The following NBPF15 variants were observed in gnomAD, a reference collection of about 807,000 sequenced individuals.
NBPF15 encodes the protein NBPF member 15, also known as NBPF family member NBPF15.
NBPF15 carries 74 observed loss-of-function variants against 62.2 expected under a neutral mutation model. The ratio of observed to expected loss-of-function variants is 1.19; its 90% CI spans 0.99 to 1.44. The LOEUF (loss-of-function observed/expected upper bound fraction) is 1.44. NBPF15 is among the 40% of genes most tolerant of loss of function. The probability of loss-of-function intolerance (pLI) is 0.00; values close to 1 mark genes in which losing one functional copy is unlikely to be tolerated. For synonymous variants in NBPF15, 244 were observed against 209.7 expected, an observed-to-expected ratio of 1.16 and a Z score of -1.41; for missense variants, 790 against 550.0, an observed-to-expected ratio of 1.44 and a Z score of -4.36.
At position 144,456,529 on chromosome 1, in the gene NBPF15, G is replaced by C. The variant is rs1167480644; in HGVS notation, c.-432+8C>G. The C allele has an allele frequency of 3.3e-5, 46 of 1,375,642 alleles. 1 individual carries two copies. In the South Asian group the frequency reaches 7.4e-4, roughly 22 times the overall value. 85.2% of individuals were successfully genotyped at this position (1,375,642 alleles called of 1,614,324 possible). A position where few individuals can be genotyped will look rare whatever the true frequency, so the allele number is the denominator to read the frequency against. On this transcript the variant is annotated splice_region_variant and intron_variant, in intron 4 of 21. Coordinates refer to ENST00000581897, the MANE Select transcript of NBPF15 (RefSeq NM_001385408.1). Reference sequence around the variant, plus strand: ...TCCATCGAGCTGGCAATGCCTCAGGGTTTTTACCTGTGGGATCTGGCAGCT... The same window carrying C: ...TCCATCGAGCTGGCAATGCCTCAGGCTTTTTACCTGTGGGATCTGGCAGCT...
chr1:144,443,683 A>G (rs2102388722), intron 6 of NBPF15, among the ~76,000 whole-genome samples: 1 of 151,722 alleles, frequency 6.6e-6, no homozygotes, highest in Non-Finnish European at 1.5e-5. Flanking sequence ...AATCTCTATT[A>G]TGTTTTATTG....
intron 13 of NBPF15, among the ~76,000 whole-genome samples, chr1:144,432,208 A>G (rs1373191948): frequency 6.6e-6 from 1 of 151,986 alleles, no homozygotes; most frequent in Non-Finnish European, 1.5e-5. Context: ...CCAGCCAAAC[A>G]AAGCTTCATA....
intron 9 of NBPF15, among the ~76,000 whole-genome samples, chr1:144,437,358 G>T: frequency 6.6e-6 from 1 of 151,004 alleles, no homozygotes; most frequent in Non-Finnish European, 1.5e-5. Context: ...GTAAACAAAA[G>T]TAGGTGTCTT....
chr1:144,455,124 G>A (rs1192281671), intron 4 of NBPF15, among the ~76,000 whole-genome samples: 5 of 146,578 alleles, frequency 3.4e-5, no homozygotes, highest in Non-Finnish European at 7.5e-5. Flanking sequence ...AGGGAGGGAG[G>A]AAGGGAGGGA....
rs587609814 is a variant in NBPF15, at chr1:144,435,115, A to T, written c.768T>A (p.Ile256=). 2 of 1,612,696 alleles carry T rather than the reference A, an allele frequency of 1.2e-6. No individual in the cohort carries two copies. Among genetic ancestry groups the T allele is most frequent in the East Asian group, 4.5e-5 (2 of 44,862 alleles). The change falls in exon 12 of 22, where the codon ATT becomes ATA. Residue 256 remains isoleucine (I), a synonymous_variant. Transcript: ENST00000581897. ...HVEWEDAVHI[I]PENESDDEEE... ...CACAAGGAAAACAGAGGCTACCTGGAATAATGTGTACAGCATCCTCCCATT... is the reference window on the plus strand; with the variant it reads ...CACAAGGAAAACAGAGGCTACCTGGTATAATGTGTACAGCATCCTCCCATT...
intron 8 of NBPF15, among the ~76,000 whole-genome samples, chr1:144,439,005 T>A (rs1163436583): frequency 6.6e-6 from 1 of 151,776 alleles, no homozygotes; most frequent in Non-Finnish European, 1.5e-5. Flanking sequence ...TATTTTTTTT[T>A]AACAGTCTTG....
At chr1:144,426,554 A>C (rs1203241788) in intron 17 of NBPF15, 104 bp from the exon 18 acceptor site, 4 of 735,160 alleles carry the variant, frequency 5.4e-6, no homozygotes, top group Non-Finnish European at 7.6e-6. Flanking sequence ...AAAAAGAAAA[A>C]GGACGGATCC....
At position 144,432,405 on chromosome 1, in the gene NBPF15, G is replaced by C. The variant is rs587680374; in HGVS notation, c.824+1368C>G. Among the ~76,000 whole-genome samples, 818 of 151,996 alleles carry C rather than the reference G, an allele frequency of 5.4e-3. 12 individuals are homozygous for C. The highest frequency in any genetic ancestry group is 6.0e-3 in the Non-Finnish European group (405 of 67,962). ...CTAGGAAGAAACTGCATCAACTAAC[G>C]GGCGAAATAACCAGCTAATATCATA... On this transcript the variant is annotated intron_variant, in intron 13 of 21. Coordinates refer to ENST00000581897, the MANE Select transcript of NBPF15 (RefSeq NM_001385408.1).
At position 144,455,599 on chromosome 1, in the gene NBPF15, T is replaced by C. The variant is rs1254277417; in HGVS notation, c.-432+938A>G. 7.5e-4 allele frequency among the ~76,000 whole-genome samples: 114 copies of C among 152,000 alleles called. 2 individuals are homozygous for C. The highest frequency in any genetic ancestry group is 1.1e-3 in the Non-Finnish European group (75 of 67,972). On this transcript the variant is annotated intron_variant, in intron 4 of 21. Transcript: ENST00000581897. ...CCGCAACCTTCCCTGCTGCTCCTTG[T>C]CCACTCCAGAAGCTTCCCAGCTGCA...
At position 144,442,147 on chromosome 1, in the gene NBPF15, A is replaced by AT. The variant is rs1553542823; in HGVS notation, c.-190-1853_-190-1852insA. Among the ~76,000 whole-genome samples the AT allele has an allele frequency of 3.3e-3, 25 of 7,540 alleles. No homozygotes were observed. In the East Asian group the frequency reaches 0.11, roughly 34 times the overall value. 4.9% of individuals were successfully genotyped at this position (7,540 alleles called of 152,430 possible). A position where few individuals can be genotyped will look rare whatever the true frequency, so the allele number is the denominator to read the frequency against. On this transcript the variant is annotated intron_variant, in intron 6 of 21. Transcript: ENST00000581897. The stretch of plus-strand genomic sequence containing the variant: ...TATACACGTGTATATATATATATAT[A>AT]ATATATATACACGTGTATATATATA...
rs1305917637 is a variant in NBPF15 at position 144,426,207 on chromosome 1, T to C, written c.1438+71A>G. On this transcript the variant is annotated intron_variant, in intron 18 of 21. Coordinates refer to ENST00000581897, the MANE Select transcript of NBPF15 (RefSeq NM_001385408.1). ...CATCTCTCGGGTCAGTAAGGGCCAC[T>C]TGGAACAGGAATATCACCCCTATCT... The C allele has an allele frequency of 5.1e-6, 3 of 590,546 alleles. 1 individual carries two copies. The highest frequency in any genetic ancestry group is 4.0e-5 in the South Asian group (2 of 49,786). 36.6% of individuals were successfully genotyped at this position (590,546 alleles called of 1,614,324 possible). A position where few individuals can be genotyped will look rare whatever the true frequency, so the allele number is the denominator to read the frequency against.
chr1:144,440,088 A>G, intron 7 of NBPF15, 50 bp from the exon 8 acceptor site: 1 of 1,577,246 alleles, frequency 6.3e-7, no homozygotes, highest in Non-Finnish European at 8.7e-7. Flanking sequence ...TGGTGAAATC[A>G]AATAGGTTTA....
chr1:144,434,754 C>T (rs1676959385), intron 12 of NBPF15, among the ~76,000 whole-genome samples: 1 of 151,878 alleles, frequency 6.6e-6, no homozygotes, highest in South Asian at 2.1e-4. Flanking sequence ...AGGCTGCCAG[C>T]TTCCTTAAAC....
chr1:144,435,109 A>G lies in NBPF15; in HGVS notation c.772+2T>C, dbSNP rs1258029085. The stretch of plus-strand genomic sequence containing the variant: ...ATGAGACACAAGGAAAACAGAGGCT[A>G]CCTGGAATAATGTGTACAGCATCCT... On this transcript the variant is annotated splice_donor_variant, in intron 12 of 21. Coordinates refer to ENST00000581897, the MANE Select transcript of NBPF15 (RefSeq NM_001385408.1). LOFTEE classifies it high-confidence loss of function. The G allele has an allele frequency of 7.4e-6, 12 of 1,612,732 alleles. No homozygotes were observed. In the Admixed American group the frequency reaches 1.5e-4, roughly 20 times the overall value.
Position 144,423,090 on chromosome 1 carries a change from C to T in NBPF15, c.1936G>A (p.Val646Met), listed in dbSNP as rs146229961. The change falls in exon 22 of 22, where the codon GTG becomes ATG. Residue 646 changes from valine to methionine, a missense_variant. Physicochemically the swap from Val to Met is conservative, Grantham distance 21. Transcript: ENST00000581897. ...EEEHISFALY[V>M]DNRFFTLTVT... Reference sequence around the variant, plus strand: ...GTCAAAGTAAAAAACCTATTGTCCACGTAAAGGGCGAAGCTGATATGCTCT... The same window carrying T: ...GTCAAAGTAAAAAACCTATTGTCCATGTAAAGGGCGAAGCTGATATGCTCT... 76 of 1,611,604 alleles carry T rather than the reference C, an allele frequency of 4.7e-5. No individual in the cohort carries two copies. The highest frequency in any genetic ancestry group is 2.0e-4 in the East Asian group (9 of 44,866).
In NBPF15 at chr1:144,440,242, G is replaced by A. The variant is rs1681769810; in HGVS notation, c.-137C>T. On this transcript the variant is annotated 5_prime_UTR_variant, in exon 7 of 22. Transcript: ENST00000581897. ...CTCAGAGCTGAAAGCACTGTCAGTA[G>A]CGCAGACTCTGATAAGAGTGAGGTA... is the stretch of plus-strand genomic sequence containing the variant. The A allele has an allele frequency of 1.2e-5, 18 of 1,518,922 alleles. No individual in the cohort carries two copies. Among genetic ancestry groups the A allele is most frequent in the East Asian group, 2.4e-5 (1 of 41,068 alleles). The allele number at this position is 1,518,922 out of a possible 1,614,324, so 94.1% of individuals were successfully genotyped here. A position where few individuals can be genotyped will look rare whatever the true frequency, so the allele number is the denominator to read the frequency against.
intron 1 of NBPF15, 103 bp from the exon 2 acceptor site, chr1:144,461,064 C>G (rs1443943372): frequency 1.3e-5 from 2 of 150,760 alleles, no homozygotes; most frequent in African/African-American, 4.9e-5. Context: ...CAGAGGCAAC[C>G]GATTTCTGGC....
At chr1:144,447,124 A>T (rs1688122662) in intron 6 of NBPF15, among the ~76,000 whole-genome samples, 1 of 152,214 alleles carries the variant, frequency 6.6e-6, no homozygotes, top group Non-Finnish European at 1.5e-5. Flanking sequence ...CCTGTCCTCT[A>T]CTCTTCCAGA....
chr1:144,450,640 A>G (rs1240301765), intron 5 of NBPF15, 132 bp downstream of exon 5: 1 of 157,798 alleles, frequency 6.3e-6, no homozygotes. Context: ...AATAGGCAGC[A>G]AGAGAAAACT....
Sources: gnomAD v4.1 joint callset for allele counts (sites outside exome capture counted in the v4.1 genomes callset) on GRCh38, gnomAD v4.1.1 for gene constraint, MANE v1.5 for transcripts, NCBI Gene and HGNC (gene_info 2026-07-23, HGNC 2026-07-21) for gene names.